CACNA1D: variants seen among roughly 807,000 people sequenced by gnomAD.
The protein encoded by CACNA1D is calcium voltage-gated channel subunit alpha1 D, also known as voltage-dependent L-type calcium channel subunit alpha-1D.
Under a neutral mutation model 257.1 loss-of-function variants are expected in CACNA1D, and 55 were observed. The ratio of observed to expected loss-of-function variants is 0.21; its 90% CI spans 0.17 to 0.27. The LOEUF is 0.27. Ranked by LOEUF, CACNA1D falls within the 10% of genes least tolerant of loss-of-function variation. CACNA1D has a pLI of 1.00. For missense variants in CACNA1D, 1,876 were observed against 2,784.0 expected (o/e 0.67, Z 7.34); for synonymous variants, 980 against 1,014.9 (o/e 0.97, Z 0.65).
chr3:53,760,256 A>G (rs1188584284), intron 29 of CACNA1D, among the ~76,000 whole-genome samples: 1 of 152,090 alleles, frequency 6.6e-6, no homozygotes, highest in Non-Finnish European at 1.5e-5. Context: ...ACTAGAATAA[A>G]CATCCCTACT....
At chr3:53,771,035 A>G (rs1185473326) in intron 32 of CACNA1D, among the ~76,000 whole-genome samples, 5 of 152,224 alleles carry the variant, frequency 3.3e-5, no homozygotes, top group African/African-American at 1.2e-4. Context: ...GAAGGGTCAC[A>G]GAGTTCGGGA....
At chr3:53,737,463 C>G (rs1477019585) in intron 20 of CACNA1D, among the ~76,000 whole-genome samples, 1 of 152,166 alleles carries the variant, frequency 6.6e-6, no homozygotes, top group Non-Finnish European at 1.5e-5. Context: ...ATATCAGAGA[C>G]TTGAGATTTT....
intron 40 of CACNA1D, chr3:53,796,469 C>T (rs2095508180): frequency 2.2e-6 from 1 of 450,870 alleles, no homozygotes; most frequent in East Asian, 7.0e-5. Context: ...TGGCAGATGG[C>T]TGGTGTGTCT....
At chr3:53,598,016 A>G (rs1248958217) in intron 3 of CACNA1D, among the ~76,000 whole-genome samples, 1 of 152,070 alleles carries the variant, frequency 6.6e-6, no homozygotes, top group Non-Finnish European at 1.5e-5. Flanking sequence ...ATTTCCTGTC[A>G]TTGAGGAATG....
intron 3 of CACNA1D, among the ~76,000 whole-genome samples, chr3:53,579,501 C>T (rs933945090): frequency 3.3e-5 from 5 of 152,136 alleles, no homozygotes; most frequent in African/African-American, 1.2e-4. Flanking sequence ...GATATCCTTT[C>T]TGAGGTTTGA....
intron 45 of CACNA1D, among the ~76,000 whole-genome samples, chr3:53,806,683 A>G (rs1296444478): frequency 6.6e-6 from 1 of 152,192 alleles, no homozygotes; most frequent in Non-Finnish European, 1.5e-5. Flanking sequence ...TACTATAAAG[A>G]GCACCACTGG....
In CACNA1D at chr3:53,730,527, G is replaced by A. The variant is rs772915273; in HGVS notation, c.2307G>A (p.Ala769=). ...ESLNTAQKEE[A]EEKERKKIAR... is the part of the protein sequence containing the mutation. ...TGAACACTGCTCAGAAAGAAGAAGC[G>A]GAAGAAAAGGAGAGGAAAAAGATTG... Residue 769 remains alanine, a synonymous_variant, in exon 16 of 48, where the codon GCG becomes GCA. Coordinates refer to ENST00000350061, the MANE Select transcript of CACNA1D (RefSeq NM_001128840.3). The A allele has an allele frequency of 2.5e-5, 40 of 1,613,932 alleles. No homozygotes were observed. The highest frequency in any genetic ancestry group is 1.6e-4 in the Middle Eastern group (1 of 6,062).
chr3:53,743,007 C>G lies in CACNA1D; in HGVS notation c.2812-4C>G, dbSNP rs758492397. ...TGGTAAATCATCCATGATTCTGCTT[C>G]TAGATGACAACTTTTGGAGCTTTCC... is the stretch of plus-strand genomic sequence containing the variant. On this transcript the variant is annotated splice_region_variant and splice_polypyrimidine_tract_variant and intron_variant, in intron 21 of 47. Transcript: ENST00000350061. 4 of 1,590,416 alleles carry G rather than the reference C, an allele frequency of 2.5e-6. No individual in the cohort carries two copies. Among genetic ancestry groups the G allele is most frequent in the Admixed American group, 3.3e-5 (2 of 59,978 alleles).
At chr3:53,663,724 C>A (rs888334411) in intron 5 of CACNA1D, among the ~76,000 whole-genome samples, 1 of 152,154 alleles carries the variant, frequency 6.6e-6, no homozygotes, top group Non-Finnish European at 1.5e-5. Flanking sequence ...CAGCAAGACC[C>A]TGTCTTCCTA....
rs1458560213 is a variant in CACNA1D, at chr3:53,799,963, C to T, written c.4924-286C>T. ...GCATAAGCTCTTGGCCTGGCAGATCCTAGCACTAGTAACCAGGCAGTGTTC... is the reference window on the plus strand; with the variant it reads ...GCATAAGCTCTTGGCCTGGCAGATCTTAGCACTAGTAACCAGGCAGTGTTC... On this transcript the variant is annotated intron_variant, in intron 40 of 47. Transcript: ENST00000350061. 8.5e-6 allele frequency: 4 copies of T among 472,442 alleles called. No homozygotes were observed. The Admixed American group carries it at 1.0e-4, about 12-fold the overall frequency. The allele number at this position is 472,442 out of a possible 1,614,324, so 29.3% of individuals were successfully genotyped here.
At chr3:53,568,084 T>G (rs537854161) in intron 3 of CACNA1D, among the ~76,000 whole-genome samples, 1 of 152,092 alleles carries the variant, frequency 6.6e-6, no homozygotes. Context: ...TTGGATCAAA[T>G]GAGATCATGT....
At chr3:53,805,963 CCCTCCCTCAT>C (rs2095562474) in intron 45 of CACNA1D, among the ~76,000 whole-genome samples, 1 of 131,688 alleles carries the variant, frequency 7.6e-6, no homozygotes. Context: ...CCCTCCTCCT[CCCTCCCTCAT>C]CTTCCCTCCT....
At chr3:53,500,117 C>A (rs1000280345) in intron 2 of CACNA1D, among the ~76,000 whole-genome samples, 3 of 151,794 alleles carry the variant, frequency 2.0e-5, no homozygotes, top group Non-Finnish European at 4.4e-5. Flanking sequence ...AGAGGCCGGG[C>A]ACAGTGGCTC....
At position 53,580,360 on chromosome 3, in the gene CACNA1D, C is replaced by T. The variant is rs573108617; in HGVS notation, c.484-70419C>T. ...CAGTGAGTACTGCTCAGCCAGTGCTCGCCGCCAGGTAGTTAGGTGTGTCTT... is the reference window on the plus strand; with the variant it reads ...CAGTGAGTACTGCTCAGCCAGTGCTTGCCGCCAGGTAGTTAGGTGTGTCTT... On this transcript the variant is annotated intron_variant, in intron 3 of 47. Coordinates refer to ENST00000350061, the MANE Select transcript of CACNA1D (RefSeq NM_001128840.3). Among the ~76,000 whole-genome samples, 8 of 152,326 alleles carry T rather than the reference C, an allele frequency of 5.3e-5. No individual in the cohort carries two copies. The South Asian group carries it at 1.4e-3, about 28-fold the overall frequency.
At chr3:53,787,127 G>T (rs889705228) in intron 40 of CACNA1D, among the ~76,000 whole-genome samples, 175 bp downstream of exon 40, 1 of 152,106 alleles carries the variant, frequency 6.6e-6, no homozygotes, top group Non-Finnish European at 1.5e-5. Context: ...CAAGGTAAGT[G>T]CTTCCCTCCC....
intron 3 of CACNA1D, among the ~76,000 whole-genome samples, chr3:53,529,091 T>C (rs2091862100): frequency 2.0e-5 from 3 of 152,230 alleles, no homozygotes; most frequent in Admixed American, 1.3e-4. Context: ...TGCCTTCTTC[T>C]TGAACTCAGA....
At chr3:53,571,834 C>T (rs2092950530) in intron 3 of CACNA1D, among the ~76,000 whole-genome samples, 1 of 152,148 alleles carries the variant, frequency 6.6e-6, no homozygotes, top group Non-Finnish European at 1.5e-5. Context: ...CTGTGACTGT[C>T]CCAAGCTGTT....
At chr3:53,740,235 T>G (rs1576518287) in intron 20 of CACNA1D, 45 bp from the exon 21 acceptor site, 3 of 1,366,654 alleles carry the variant, frequency 2.2e-6, no homozygotes, top group Non-Finnish European at 3.1e-6. Context: ...GATGTCAGAG[T>G]TTGTCTGAAT....
intron 4 of CACNA1D, among the ~76,000 whole-genome samples, chr3:53,659,637 G>A (rs2094183755): frequency 6.6e-6 from 1 of 152,244 alleles, no homozygotes. Context: ...GTGTTTACAT[G>A]TGTTGCTGCT....
Sources: gnomAD v4.1 joint callset for allele counts (sites outside exome capture counted in the v4.1 genomes callset) on GRCh38, gnomAD v4.1.1 for gene constraint, MANE v1.5 for transcripts, NCBI Gene and HGNC (gene_info 2026-07-23, HGNC 2026-07-21) for gene names.